The following SLC5A11 variants were observed in gnomAD, a reference collection of about 807,000 sequenced individuals.
The protein encoded by SLC5A11 is sodium/myo-inositol cotransporter 2.
In SLC5A11, 48 loss-of-function variants were observed where a neutral mutation model predicts 69.8. That is an observed-to-expected ratio of 0.69 (90% CI 0.55 to 0.87). The LOEUF is 0.87. Ranked by LOEUF, SLC5A11 falls within the 40% of genes least tolerant of loss-of-function variation. The probability of loss-of-function intolerance (pLI) is 0.00; values close to 1 mark genes in which losing one functional copy is unlikely to be tolerated. For synonymous variants in SLC5A11, 319 were observed against 342.4 expected, an observed-to-expected ratio of 0.93 and a Z score of 0.75; for missense variants, 784 against 866.1, an observed-to-expected ratio of 0.91 and a Z score of 1.19.
exon 15 of SLC5A11, chr16:24,910,317 G>A (rs751138463): frequency 5.4e-5 from 87 of 1,613,898 alleles, no homozygotes; most frequent in Non-Finnish European, 6.5e-5. Context: ...TCAGCCACCT[G>A]ACCTGGTTTA....
exon 14 of SLC5A11, chr16:24,908,956 C>A (rs749553266): frequency 4.3e-6 from 7 of 1,614,078 alleles, no homozygotes; most frequent in Non-Finnish European, 5.9e-6. Context: ...TTACGTGCAG[C>A]CTCGATGCGA....
At chr16:24,886,619 G>A (rs1007673752) in intron 8 of SLC5A11, among the ~76,000 whole-genome samples, 14 of 152,126 alleles carry the variant, frequency 9.2e-5, no homozygotes, top group Non-Finnish European at 1.8e-4. Context: ...TGTGTCTTAG[G>A]CAAAATCGAT....
chr16:24,885,290 C>CG (rs34804950), intron 8 of SLC5A11, among the ~76,000 whole-genome samples: 1 of 151,326 alleles, frequency 6.6e-6, no homozygotes, highest in Admixed American at 6.6e-5. Flanking sequence ...TATTGTTAAG[C>CG]GGGGGACACT....
intron 1 of SLC5A11, among the ~76,000 whole-genome samples, chr16:24,856,705 A>G (rs1360815869): frequency 6.7e-6 from 1 of 150,186 alleles, no homozygotes; most frequent in Non-Finnish European, 1.5e-5. Context: ...GGGGAGGCAG[A>G]GCTTGTAGTG....
intron 3 of SLC5A11, among the ~76,000 whole-genome samples, chr16:24,868,503 G>A (rs1439908157): frequency 1.3e-5 from 2 of 150,456 alleles, no homozygotes; most frequent in Non-Finnish European, 3.0e-5. Context: ...GGAGGCTGAG[G>A]CAGGAGAATG....
chr16:24,902,845 C>T (rs1057374508), intron 10 of SLC5A11, among the ~76,000 whole-genome samples: 6 of 152,130 alleles, frequency 3.9e-5, no homozygotes, highest in African/African-American at 1.4e-4. Context: ...AGCCAACAGT[C>T]ATTATTAAAT....
At chr16:24,892,946 A>G (rs971936077) in intron 9 of SLC5A11, among the ~76,000 whole-genome samples, 4 of 151,994 alleles carry the variant, frequency 2.6e-5, no homozygotes, top group Non-Finnish European at 4.4e-5. Context: ...GAGAAACAGG[A>G]CTGATCCGGG....
chr16:24,850,732 T>A (rs1209275284), intron 1 of SLC5A11, among the ~76,000 whole-genome samples: 6 of 152,104 alleles, frequency 3.9e-5, no homozygotes. Flanking sequence ...TTAATCAGAG[T>A]CCTTGTAGGG....
At chr16:24,868,309 G>A (rs1350854403) in intron 3 of SLC5A11, among the ~76,000 whole-genome samples, 3 of 148,634 alleles carry the variant, frequency 2.0e-5, no homozygotes, top group African/African-American at 4.9e-5. Flanking sequence ...AAAAATTAGA[G>A]GCCAGGTGTG....
At chr16:24,866,098 T>C (rs1035092169) in intron 3 of SLC5A11, among the ~76,000 whole-genome samples, 1 of 149,090 alleles carries the variant, frequency 6.7e-6, no homozygotes, top group African/African-American at 2.5e-5. Context: ...AGATAATATC[T>C]AGCACAAAAG....
Position 24,908,155 on chromosome 16 carries a change from T to C in SLC5A11, c.1434+24T>C, listed in dbSNP as rs745851932. On this transcript the variant is annotated intron_variant, in intron 13 of 15. Coordinates refer to ENST00000347898, the Ensembl canonical transcript of SLC5A11. ...AGGTAGCTCTGGATGGCTCCCACTA[T>C]GCCAGAACCAAGTGCTGCCCCTTGA... is the stretch of plus-strand genomic sequence containing the variant. The C allele has an allele frequency of 4.5e-6, 7 of 1,548,052 alleles. No individual in the cohort carries two copies. The Admixed American group carries it at 1.4e-4, about 30-fold the overall frequency.
intron 3 of SLC5A11, among the ~76,000 whole-genome samples, chr16:24,868,278 A>T (rs1325445853): frequency 6.8e-6 from 1 of 146,226 alleles, no homozygotes; most frequent in Non-Finnish European, 1.5e-5. Context: ...AATGCTTTAC[A>T]GATTCTTCCA....
intron 9 of SLC5A11, among the ~76,000 whole-genome samples, chr16:24,893,116 C>CAAAAAA (rs58331547): frequency 9.1e-5 from 9 of 99,108 alleles, no homozygotes; most frequent in African/African-American, 2.5e-4. Context: ...ACTAAAAATA[C>CAAAAAA]AAAAAAAAAA....
chr16:24,907,645 T>C (rs755159714), intron 12 of SLC5A11, among the ~76,000 whole-genome samples: 15 of 151,736 alleles, frequency 9.9e-5, no homozygotes, highest in East Asian at 9.7e-4. Context: ...GAGGCAGAGG[T>C]TGCAGTGAGC....
rs570118682 is a variant in SLC5A11 at position 24,873,205 on chromosome 16, A to C, written c.372+986A>C. 4.9e-5 allele frequency among the ~76,000 whole-genome samples: 7 copies of C among 143,006 alleles called. No homozygotes were observed. In the South Asian group the frequency reaches 1.4e-3, roughly 29 times the overall value. The allele number at this position is 143,006 out of a possible 152,430, so 93.8% of individuals were successfully genotyped here. On this transcript the variant is annotated intron_variant, in intron 5 of 15. Transcript: ENST00000347898. ...GGGGAAAAGGGAAAGGGAAAGGAGA[A>C]GAAGGAAGGAAGAGAGAAAGGAAGG...
At chr16:24,864,141 ACTC>A (rs2046770347) in intron 3 of SLC5A11, among the ~76,000 whole-genome samples, 1 of 151,976 alleles carries the variant, frequency 6.6e-6, no homozygotes, top group Non-Finnish European at 1.5e-5. Flanking sequence ...GCTTTGAAAA[ACTC>A]AGACATATTT....
intron 5 of SLC5A11, among the ~76,000 whole-genome samples, chr16:24,872,836 GC>G (rs1013625027): frequency 1.3e-5 from 2 of 148,398 alleles, no homozygotes; most frequent in Non-Finnish European, 3.0e-5. Context: ...CTATGTTTCT[GC>G]TTTTTGCTAA....
At chr16:24,892,070 A>AG (rs398029065) in intron 9 of SLC5A11, among the ~76,000 whole-genome samples, 1 of 148,962 alleles carries the variant, frequency 6.7e-6, no homozygotes, top group Non-Finnish European at 1.5e-5. Context: ...AAAAAAAAAA[A>AG]GTAAAAATTA....
chr16:24,851,876 C>T (rs533563620), intron 1 of SLC5A11, among the ~76,000 whole-genome samples: 2 of 152,128 alleles, frequency 1.3e-5, no homozygotes, highest in East Asian at 1.9e-4. Flanking sequence ...CGCTTTATCA[C>T]GACATATCTA....
Sources: gnomAD v4.1 joint callset for allele counts (sites outside exome capture counted in the v4.1 genomes callset) on GRCh38, gnomAD v4.1.1 for gene constraint, MANE v1.5 for transcripts, NCBI Gene and HGNC (gene_info 2026-07-23, HGNC 2026-07-21) for gene names.